GALR1: variants seen among roughly 807,000 people sequenced by gnomAD.
The protein encoded by GALR1 is galanin receptor type 1.
GALR1 carries 11 observed loss-of-function variants against 17.9 expected under a neutral mutation model. That is an observed-to-expected ratio of 0.62 (90% CI 0.39 to 1.02). The LOEUF (loss-of-function observed/expected upper bound fraction) is 1.02. GALR1 is among the 50% of genes least tolerant of loss of function. The pLI is 0.01. For missense variants in GALR1, 441 were observed against 456.9 expected (o/e 0.97, Z 0.32); for synonymous variants, 206 against 205.7 (o/e 1.00, Z -0.01).
In GALR1 at chr18:77,268,615, G is replaced by A; in HGVS notation, c.763G>A (p.Val255Met). The A allele has an allele frequency of 6.2e-7, 1 of 1,613,904 alleles. No individual in the cohort carries two copies. The highest frequency in any genetic ancestry group is 2.2e-5 in the East Asian group (1 of 44,864). ...TAQTVLVVVV[V>M]FGISWLPHHI... ...ACAGACAGTTCTGGTGGTGGTTGTGGTGTTTGGAATCTCCTGGCTGCCGCA... is the reference window on the plus strand; with the variant it reads ...ACAGACAGTTCTGGTGGTGGTTGTGATGTTTGGAATCTCCTGGCTGCCGCA... Residue 255 changes from valine (V) to methionine (M), a missense_variant, in exon 3 of 3, where the codon GTG becomes ATG. Val to Met is a conservative substitution (Grantham distance 21). Transcript: ENST00000299727.
At chr18:77,252,854 A>ACACCACCACCACCACCAC (rs1217118933) in intron 1 of GALR1, among the ~76,000 whole-genome samples, 1 of 52,592 alleles carries the variant, frequency 1.9e-5, no homozygotes, top group Non-Finnish European at 4.3e-5. Flanking sequence ...CTGTCTCAAA[A>ACACCACCACCACCACCAC]CACCACCACC....
chr18:77,264,145 A>T (rs1183652144), intron 2 of GALR1, among the ~76,000 whole-genome samples: 1 of 137,528 alleles, frequency 7.3e-6, no homozygotes, highest in Admixed American at 7.2e-5. Context: ...AAAAAAAAAA[A>T]AAAAAAAAAA....
chr18:77,266,125 A>T (rs1912939848), intron 2 of GALR1, among the ~76,000 whole-genome samples: 1 of 152,180 alleles, frequency 6.6e-6, no homozygotes, highest in Non-Finnish European at 1.5e-5. Flanking sequence ...TATAAACGTA[A>T]GTTCCAATTC....
In GALR1 at chr18:77,256,234, C is replaced by T; in HGVS notation, c.732+11C>T. On this transcript the variant is annotated intron_variant, in intron 2 of 2. Coordinates refer to ENST00000299727, the MANE Select transcript of GALR1 (RefSeq NM_001480.4). ...GCATCCAAGAAAAAGGTAATGATCA[C>T]AAATATATATATATATGTTACTTTT... 1 of 1,422,520 alleles carries T rather than the reference C, an allele frequency of 7.0e-7. No homozygotes were observed. Among genetic ancestry groups the T allele is most frequent in the Non-Finnish European group, 9.9e-7 (1 of 1,008,046 alleles). 88.1% of individuals were successfully genotyped at this position (1,422,520 alleles called of 1,614,324 possible). A position where few individuals can be genotyped will look rare whatever the true frequency, so the allele number is the denominator to read the frequency against.
chr18:77,252,890 C>T (rs866182318), intron 1 of GALR1, among the ~76,000 whole-genome samples: 204 of 69,454 alleles, frequency 2.9e-3, no homozygotes, highest in East Asian at 5.8e-3. Context: ...ATCACCACCA[C>T]CACCATCACC....
intron 1 of GALR1, among the ~76,000 whole-genome samples, chr18:77,252,523 C>G (rs1912441750): frequency 6.6e-6 from 1 of 152,198 alleles, no homozygotes; most frequent in Non-Finnish European, 1.5e-5. Context: ...TAGATTGTGT[C>G]TATTTTGAAT....
rs1467085303 is a variant in GALR1 at position 77,256,140 on chromosome 18, A to T, written c.667-18A>T. The T allele has an allele frequency of 6.5e-7, 1 of 1,528,856 alleles. No individual in the cohort carries two copies. Among genetic ancestry groups the T allele is most frequent in the East Asian group, 2.2e-5 (1 of 44,506 alleles). 94.7% of individuals were successfully genotyped at this position (1,528,856 alleles called of 1,614,324 possible). The stretch of plus-strand genomic sequence containing the variant: ...TGAGAGGTGAGGCGAACTGATTTCA[A>T]TAGTCTGTGTCTTTCAGGTCCTTAA... On this transcript the variant is annotated intron_variant, in intron 1 of 2. Transcript: ENST00000299727.
At chr18:77,263,163 T>A (rs1912870305) in intron 2 of GALR1, among the ~76,000 whole-genome samples, 1 of 152,238 alleles carries the variant, frequency 6.6e-6, no homozygotes, top group African/African-American at 2.4e-5. Context: ...AATGATGATG[T>A]TTTATATTCT....
At chr18:77,257,314 A>C (rs140420795) in intron 2 of GALR1, among the ~76,000 whole-genome samples, 2 of 152,342 alleles carry the variant, frequency 1.3e-5, no homozygotes, top group African/African-American at 2.4e-5. Flanking sequence ...CTTATGTTAG[A>C]AATGCAATCA....
At position 77,268,697 on chromosome 18, in the gene GALR1, T is replaced by A; in HGVS notation, c.845T>A (p.Phe282Tyr). The change falls in exon 3 of 3, where the codon TTC becomes TAC. Residue 282 changes from phenylalanine (F) to tyrosine (Y), a missense_variant. By Grantham distance (22) the Phe-to-Tyr change is conservative. Coordinates refer to ENST00000299727, the MANE Select transcript of GALR1 (RefSeq NM_001480.4). ...FGVFPLTPASFLFRITAHCLA... is the reference protein window; with the variant it reads ...FGVFPLTPASYLFRITAHCLA... Reference sequence around the variant, plus strand: ...GTTTTCCCGCTGACGCCGGCTTCCTTCCTCTTCAGAATCACCGCCCACTGC... The same window carrying A: ...GTTTTCCCGCTGACGCCGGCTTCCTACCTCTTCAGAATCACCGCCCACTGC... The A allele has an allele frequency of 6.2e-7, 1 of 1,614,162 alleles. No homozygotes were observed. Among genetic ancestry groups the A allele is most frequent in the Non-Finnish European group, 8.5e-7 (1 of 1,180,024 alleles).
intron 2 of GALR1, 36 bp from the exon 3 acceptor site, chr18:77,268,549 C>T: frequency 1.5e-6 from 2 of 1,298,822 alleles, no homozygotes; most frequent in Non-Finnish European, 2.2e-6. Context: ...ACCGCCTCCT[C>T]CTCCTCCTCC....
intron 2 of GALR1, among the ~76,000 whole-genome samples, chr18:77,256,627 T>G (rs375575711): frequency 6.6e-5 from 10 of 152,190 alleles, no homozygotes; most frequent in African/African-American, 1.9e-4. Flanking sequence ...AAGCCCTGGT[T>G]TGGTTCTTGT....
Position 77,250,874 on chromosome 18 carries a change from A to G in GALR1, c.326A>G (p.Lys109Arg). 1 of 1,610,850 alleles carries G rather than the reference A, an allele frequency of 6.2e-7. No individual in the cohort carries two copies. The highest frequency in any genetic ancestry group is 1.3e-5 in the African/African-American group (1 of 75,040). ...PTWVLGAFIC[K>R]FIHYFFTVSM... ...TGGGTGCTGGGCGCCTTCATCTGCA[A>G]GTTCATCCACTACTTCTTCACCGTG... The change falls in exon 1 of 3, where the codon AAG becomes AGG. Residue 109 changes from lysine to arginine, a missense_variant. By Grantham distance (26) the Lys-to-Arg change is conservative. Transcript: ENST00000299727.
At chr18:77,260,361 C>A (rs1340148768) in intron 2 of GALR1, among the ~76,000 whole-genome samples, 4 of 152,046 alleles carry the variant, frequency 2.6e-5, no homozygotes, top group African/African-American at 9.7e-5. Context: ...GCTCTCTGGG[C>A]CTCTTTCAAA....
intron 2 of GALR1, among the ~76,000 whole-genome samples, chr18:77,258,781 G>A (rs1269300437): frequency 7.1e-6 from 1 of 140,268 alleles, no homozygotes; most frequent in African/African-American, 2.7e-5. Context: ...TAGTGATGGT[G>A]GTGGTGGTGG....
In GALR1 at chr18:77,271,977, G is replaced by C. The variant is rs1255613969; in HGVS notation, c.*3075G>C. The C allele has an allele frequency of 6.6e-6, 1 of 151,222 alleles. No individual in the cohort carries two copies. The highest frequency in any genetic ancestry group is 2.4e-5 in the African/African-American group (1 of 41,366). 9.4% of individuals were successfully genotyped at this position (151,222 alleles called of 1,614,324 possible). A position where few individuals can be genotyped will look rare whatever the true frequency, so the allele number is the denominator to read the frequency against. On this transcript the variant is annotated 3_prime_UTR_variant, in exon 3 of 3. Transcript: ENST00000299727. ...ACCGGGTATGTACTCAGCAACATGG[G>C]GGACTGAGGCCATTTTCTGAATACT...
Position 77,250,650 on chromosome 18 carries a change from C to G in GALR1, c.102C>G (p.Phe34Leu), listed in dbSNP as rs970976450. The change falls in exon 1 of 3, where the codon TTC (phenylalanine) becomes TTG (leucine). Residue 34 changes from phenylalanine (F) to leucine (L), a missense_variant. Physicochemically the swap from Phe to Leu is conservative, Grantham distance 22. Coordinates refer to ENST00000299727, the MANE Select transcript of GALR1 (RefSeq NM_001480.4). ...GPLFGIGVEN[F>L]VTLVVFGLIF... ...TGTTCGGCATCGGCGTGGAGAACTT[C>G]GTCACGCTGGTGGTGTTCGGCCTGA... 6.2e-7 allele frequency: 1 copy of G among 1,606,168 alleles called. No individual in the cohort carries two copies.
At position 77,256,232 on chromosome 18, in the gene GALR1, C is replaced by T; in HGVS notation, c.732+9C>T. ...AAGCATCCAAGAAAAAGGTAATGAT[C>T]ACAAATATATATATATATGTTACTT... On this transcript the variant is annotated intron_variant, in intron 2 of 2. Coordinates refer to ENST00000299727, the MANE Select transcript of GALR1 (RefSeq NM_001480.4). The T allele has an allele frequency of 6.9e-7, 1 of 1,452,724 alleles. No individual in the cohort carries two copies. The highest frequency in any genetic ancestry group is 9.7e-7 in the Non-Finnish European group (1 of 1,034,796). The allele number at this position is 1,452,724 out of a possible 1,614,324, so 90.0% of individuals were successfully genotyped here. A position where few individuals can be genotyped will look rare whatever the true frequency, so the allele number is the denominator to read the frequency against.
At position 77,277,756 on chromosome 18, in the gene GALR1, C is replaced by T. The variant is rs1913184358; in HGVS notation, c.*8854C>T. ...CCAGTAAGCTGACAAAGCCAAAAGC[C>T]AAAAACTAAGAGTTTGTATTAATCC... is the stretch of plus-strand genomic sequence containing the variant. On this transcript the variant is annotated 3_prime_UTR_variant, in exon 3 of 3. Coordinates refer to ENST00000299727, the MANE Select transcript of GALR1 (RefSeq NM_001480.4). 6.6e-6 allele frequency: 1 copy of T among 152,134 alleles called. No individual in the cohort carries two copies. The highest frequency in any genetic ancestry group is 2.4e-5 in the African/African-American group (1 of 41,422). The allele number at this position is 152,134 out of a possible 1,614,324, so 9.4% of individuals were successfully genotyped here.
Sources: gnomAD v4.1 joint callset for allele counts (sites outside exome capture counted in the v4.1 genomes callset) on GRCh38, gnomAD v4.1.1 for gene constraint, MANE v1.5 for transcripts, NCBI Gene and HGNC (gene_info 2026-07-23, HGNC 2026-07-21) for gene names.